The following PARM1 variants were observed in gnomAD, a reference collection of about 807,000 sequenced individuals.
The protein encoded by PARM1 is prostate androgen-regulated mucin-like protein 1, also known as WSC4, cell wall integrity and stress response component 4 homolog.
Under a neutral mutation model 24.6 loss-of-function variants are expected in PARM1, and 14 were observed. The observed-to-expected ratio is 0.57, with a 90% confidence interval of 0.38 to 0.89. The LOEUF (loss-of-function observed/expected upper bound fraction) is 0.89, where lower values mean the gene tolerates loss of function less well. Ranked by LOEUF, PARM1 falls within the 40% of genes least tolerant of loss-of-function variation. PARM1 has a pLI of 0.00. For missense variants in PARM1, 362 were observed against 380.4 expected (o/e 0.95, Z 0.40); for synonymous variants, 179 against 156.6 (o/e 1.14, Z -1.07).
chr4:75,046,463 T>G lies in PARM1; in HGVS notation c.*216T>G, dbSNP rs1723605707. ...CTTTAAAGGTGAGTGGAGGCTGATT[T>G]GCAGCTGAAGTGGGCCAGCCTTGCA... On this transcript the variant is annotated 3_prime_UTR_variant, in exon 4 of 4. Coordinates refer to ENST00000307428, the MANE Select transcript of PARM1 (RefSeq NM_015393.4). The G allele has an allele frequency of 4.4e-6, 2 of 456,234 alleles. No homozygotes were observed. Among genetic ancestry groups the G allele is most frequent in the East Asian group, 4.3e-5 (1 of 23,190 alleles). 28.3% of individuals were successfully genotyped at this position (456,234 alleles called of 1,614,324 possible). A position where few individuals can be genotyped will look rare whatever the true frequency, so the allele number is the denominator to read the frequency against.
chr4:75,000,106 C>T (rs1306887449), intron 1 of PARM1, among the ~76,000 whole-genome samples: 1 of 152,138 alleles, frequency 6.6e-6, no homozygotes, highest in Non-Finnish European at 1.5e-5. Context: ...TCCTGACGCT[C>T]AGAGCTGATG....
chr4:74,991,776 A>T (rs1480456826), intron 1 of PARM1, among the ~76,000 whole-genome samples: 2 of 152,210 alleles, frequency 1.3e-5, no homozygotes, highest in Admixed American at 1.3e-4. Flanking sequence ...TGTGGTCCCC[A>T]CATAACAAAA....
Position 75,046,297 on chromosome 4 carries a change from G to C in PARM1, c.*50G>C. ...GATTAACTGTTCTTTATTTATAAGT[G>C]CTTATCCAGTAGAATTAATAAGTAC... On this transcript the variant is annotated 3_prime_UTR_variant, in exon 4 of 4. Coordinates refer to ENST00000307428, the MANE Select transcript of PARM1 (RefSeq NM_015393.4). 1 of 1,199,866 alleles carries C rather than the reference G, an allele frequency of 8.3e-7. No homozygotes were observed. Among genetic ancestry groups the C allele is most frequent in the Non-Finnish European group, 1.2e-6 (1 of 807,984 alleles). 74.3% of individuals were successfully genotyped at this position (1,199,866 alleles called of 1,614,324 possible).
At chr4:75,031,442 A>T (rs1347870628) in intron 2 of PARM1, among the ~76,000 whole-genome samples, 2 of 152,080 alleles carry the variant, frequency 1.3e-5, no homozygotes, top group African/African-American at 2.4e-5. Context: ...GACATGGAAG[A>T]GCCCCATTTG....
chr4:74,999,649 T>C (rs763138705), intron 1 of PARM1, among the ~76,000 whole-genome samples: 6 of 152,194 alleles, frequency 3.9e-5, no homozygotes, highest in Non-Finnish European at 8.8e-5. Context: ...CTTAAACAAA[T>C]AAAAATCTAA....
intron 2 of PARM1, among the ~76,000 whole-genome samples, chr4:75,026,810 C>A (rs1158967629): frequency 2.0e-5 from 3 of 152,178 alleles, no homozygotes; most frequent in Non-Finnish European, 4.4e-5. Flanking sequence ...TTACAAAGAT[C>A]TCAACAGCCC....
At chr4:74,959,528 G>A (rs1390249926) in intron 1 of PARM1, among the ~76,000 whole-genome samples, 1 of 152,100 alleles carries the variant, frequency 6.6e-6, no homozygotes, top group Non-Finnish European at 1.5e-5. Context: ...TAATATGCAT[G>A]CTGCATCAAG....
At chr4:75,006,005 G>T (rs902187900) in intron 1 of PARM1, among the ~76,000 whole-genome samples, 4 of 152,166 alleles carry the variant, frequency 2.6e-5, no homozygotes, top group African/African-American at 9.7e-5. Flanking sequence ...TTGAAACAAT[G>T]CTCATTCACC....
chr4:75,016,631 A>G (rs1206438991), intron 2 of PARM1, among the ~76,000 whole-genome samples: 1 of 152,138 alleles, frequency 6.6e-6, no homozygotes, highest in Non-Finnish European at 1.5e-5. Flanking sequence ...TGTCTGACTC[A>G]GATGATCACT....
intron 2 of PARM1, among the ~76,000 whole-genome samples, chr4:75,022,078 A>T (rs146944169): frequency 6.4e-4 from 97 of 152,356 alleles, no homozygotes; most frequent in Non-Finnish European, 1.2e-3. Flanking sequence ...TTCCACCAGC[A>T]GTGTATAAGC....
chr4:74,984,804 A>G (rs533893285), intron 1 of PARM1, among the ~76,000 whole-genome samples: 1 of 152,332 alleles, frequency 6.6e-6, no homozygotes, highest in South Asian at 2.1e-4. Context: ...TGTGAATTAA[A>G]CATTTTTTTA....
intron 1 of PARM1, chr4:74,956,183 G>A (rs1721629263): frequency 6.6e-6 from 1 of 152,208 alleles, no homozygotes; most frequent in South Asian, 2.1e-4. Context: ...TAGAATTGAG[G>A]TGACATGTAC....
At chr4:75,031,031 T>A in intron 2 of PARM1, among the ~76,000 whole-genome samples, 1 of 152,170 alleles carries the variant, frequency 6.6e-6, no homozygotes, top group Non-Finnish European at 1.5e-5. Context: ...AGCAACCCCT[T>A]CATGTTCTCA....
rs369654628 is a variant in PARM1, at chr4:74,933,342, T to G, written c.15T>G (p.Thr5=). 5.0e-6 allele frequency: 8 copies of G among 1,612,248 alleles called. No individual in the cohort carries two copies. The highest frequency in any genetic ancestry group is 6.8e-6 in the Non-Finnish European group (8 of 1,179,362). Residue 5 remains threonine, a synonymous_variant, in exon 1 of 4, where the codon ACT becomes ACG. Coordinates refer to ENST00000307428, the MANE Select transcript of PARM1 (RefSeq NM_015393.4). ...ACCAGGCTACCATGGTCTACAAGAC[T>G]CTCTTCGCTCTTTGCATCTTAACTG... MVYK[T]LFALCILTAG... is the part of the protein sequence containing the mutation.
intron 2 of PARM1, among the ~76,000 whole-genome samples, chr4:75,027,798 C>T (rs1026901738): frequency 6.6e-6 from 1 of 152,198 alleles, no homozygotes; most frequent in Non-Finnish European, 1.5e-5. Context: ...CCAGTATGTA[C>T]AAGAGGACCC....
intron 2 of PARM1, among the ~76,000 whole-genome samples, chr4:75,019,741 C>A (rs1057205109): frequency 1.3e-5 from 2 of 152,030 alleles, no homozygotes; most frequent in African/African-American, 2.4e-5. Flanking sequence ...CGGTGGCTCA[C>A]GCCTGTAATC....
intron 2 of PARM1, among the ~76,000 whole-genome samples, chr4:75,025,130 C>T (rs915656030): frequency 6.6e-6 from 1 of 152,236 alleles, no homozygotes. Flanking sequence ...CTGGCACCTA[C>T]TGAGCAAGAC....
At chr4:74,935,489 G>A (rs1433792444) in intron 1 of PARM1, among the ~76,000 whole-genome samples, 1 of 152,172 alleles carries the variant, frequency 6.6e-6, no homozygotes, top group Non-Finnish European at 1.5e-5. Context: ...AGAAGAAAGG[G>A]ATGAGGGCTC....
intron 2 of PARM1, among the ~76,000 whole-genome samples, chr4:75,017,611 C>G (rs1723012034): frequency 6.6e-6 from 1 of 152,182 alleles, no homozygotes; most frequent in Admixed American, 6.5e-5. Flanking sequence ...TATCGCTTAA[C>G]CATTTTCTGA....
Sources: allele counts gnomAD v4.1 joint callset (sites outside exome capture counted in the v4.1 genomes callset), GRCh38; gene constraint gnomAD v4.1.1; transcripts MANE v1.5; gene names NCBI Gene and HGNC (gene_info 2026-07-23, HGNC 2026-07-21).